The following SGMS1 variants were observed in gnomAD, a reference collection of about 807,000 sequenced individuals.
The protein encoded by SGMS1 is phosphatidylcholine:ceramide cholinephosphotransferase 1.
A neutral mutation model predicts 46.2 loss-of-function variants in SGMS1; 13 were observed. That is an observed-to-expected ratio of 0.28 (90% confidence interval 0.18 to 0.45). SGMS1 has a LOEUF of 0.45. Ranked by LOEUF, SGMS1 falls within the 20% of genes least tolerant of loss-of-function variation. The pLI, the probability that SGMS1 is intolerant of heterozygous loss-of-function variation, is 1.00. For synonymous variants in SGMS1, 203 were observed against 187.8 expected (o/e 1.08, Z -0.66); for missense variants, 324 against 519.9 (o/e 0.62, Z 3.66).
intron 5 of SGMS1, among the ~76,000 whole-genome samples, chr10:50,447,154 G>A (rs61856829): frequency 0.029 from 4,358 of 152,078 alleles, 101 homozygotes; most frequent in South Asian, 0.049. Context: ...CAATTTAAAG[G>A]TTACTTTTAA....
At chr10:50,463,080 G>C (rs1239702911) in intron 4 of SGMS1, among the ~76,000 whole-genome samples, 1 of 149,834 alleles carries the variant, frequency 6.7e-6, no homozygotes, top group African/African-American at 2.4e-5. Context: ...CTAGCAAAAA[G>C]AAAAAAAAAT....
intron 1 of SGMS1, among the ~76,000 whole-genome samples, chr10:50,622,975 A>G (rs1442305577): frequency 6.6e-6 from 1 of 152,014 alleles, no homozygotes; most frequent in Non-Finnish European, 1.5e-5. Flanking sequence ...TCCTGGAGAG[A>G]CTGTCCAGTT....
At chr10:50,561,199 T>C (rs1300696295) in intron 2 of SGMS1, among the ~76,000 whole-genome samples, 2 of 152,238 alleles carry the variant, frequency 1.3e-5, no homozygotes, top group African/African-American at 4.8e-5. Context: ...TTTTGTCACT[T>C]GCTAAATGGC....
At chr10:50,459,635 C>G (rs76752068) in intron 5 of SGMS1, among the ~76,000 whole-genome samples, 2 of 152,222 alleles carry the variant, frequency 1.3e-5, no homozygotes, top group Admixed American at 6.5e-5. Context: ...AACTCCTGAC[C>G]TCAGGTGATC....
intron 2 of SGMS1, among the ~76,000 whole-genome samples, chr10:50,536,784 C>T (rs554546095): frequency 7.2e-5 from 11 of 152,270 alleles, no homozygotes; most frequent in Admixed American, 2.6e-4. Context: ...GAAAAACATG[C>T]TATAATCATT....
intron 1 of SGMS1, among the ~76,000 whole-genome samples, chr10:50,612,751 C>G (rs1381613479): frequency 6.6e-6 from 1 of 152,166 alleles, no homozygotes; most frequent in Admixed American, 6.5e-5. Context: ...CTCTGTCGCC[C>G]AGGCTGGAGT....
At chr10:50,555,028 T>C (rs909840852) in intron 2 of SGMS1, among the ~76,000 whole-genome samples, 6 of 152,138 alleles carry the variant, frequency 3.9e-5, no homozygotes, top group South Asian at 4.1e-4. Context: ...TCTAACCATA[T>C]AGGAAAGAAG....
intron 8 of SGMS1, among the ~76,000 whole-genome samples, chr10:50,324,915 C>A (rs575380313): frequency 1.3e-5 from 2 of 152,048 alleles, no homozygotes; most frequent in Non-Finnish European, 2.9e-5. Flanking sequence ...AAAGACAGAA[C>A]AAGTAAATGT....
intron 7 of SGMS1, among the ~76,000 whole-genome samples, chr10:50,341,725 G>A (rs1847824212): frequency 6.7e-6 from 1 of 148,234 alleles, no homozygotes; most frequent in African/African-American, 2.5e-5. Flanking sequence ...CAAATCAACT[G>A]GTTTCTTGCT....
In SGMS1 at chr10:50,343,833, G is replaced by T. The variant is rs775055834; in HGVS notation, c.282C>A (p.Pro94=). Residue 94 remains proline, a synonymous_variant, in exon 7 of 11, where the codon CCC becomes CCA. Transcript: ENST00000361781. Reference sequence around the variant, plus strand: ...TAATCTTGATGCTGAAGCTGCCGTCGGGGGTGGGGATGTCTACGCCAATGT... The same window carrying T: ...TAATCTTGATGCTGAAGCTGCCGTCTGGGGTGGGGATGTCTACGCCAATGT... ...HLNIGVDIPT[P]DGSFSIKIKP... The T allele has an allele frequency of 1.2e-6, 2 of 1,614,018 alleles. No individual in the cohort carries two copies. The highest frequency in any genetic ancestry group is 1.7e-6 in the Non-Finnish European group (2 of 1,180,044).
intron 2 of SGMS1, among the ~76,000 whole-genome samples, chr10:50,549,990 G>A (rs1838134880): frequency 6.6e-6 from 1 of 152,164 alleles, no homozygotes; most frequent in Non-Finnish European, 1.5e-5. Context: ...AAAGCAGAAA[G>A]TTCAACGGGA....
intron 2 of SGMS1, among the ~76,000 whole-genome samples, chr10:50,584,226 G>A (rs544770186): frequency 2.6e-5 from 4 of 152,080 alleles, no homozygotes; most frequent in South Asian, 2.1e-4. Flanking sequence ...TTGGCTGGGC[G>A]CAGTGGCTCA....
intron 1 of SGMS1, among the ~76,000 whole-genome samples, chr10:50,621,119 G>A (rs1414296115): frequency 2.0e-5 from 3 of 152,064 alleles, no homozygotes; most frequent in Non-Finnish European, 2.9e-5. Flanking sequence ...CAAAGCTACA[G>A]TAAGCCGAGA....
At chr10:50,429,716 CACACACACACACACACACACACACAT>C (rs746433851) in intron 6 of SGMS1, among the ~76,000 whole-genome samples, 2,165 of 15,898 alleles carry the variant, frequency 0.14, 19 homozygotes, top group Non-Finnish European at 0.23. Context: ...CACACACACA[CACACACACACACACACACACACACAT>C]ACTCTTTTCT....
chr10:50,396,921 GGT>G (rs1427009199), intron 6 of SGMS1, among the ~76,000 whole-genome samples: 8 of 152,186 alleles, frequency 5.3e-5, no homozygotes, highest in African/African-American at 1.9e-4. Context: ...GTGAACCGGC[GGT>G]GTTACTTGAA....
chr10:50,381,906 G>A (rs1387621650), intron 6 of SGMS1, among the ~76,000 whole-genome samples: 1 of 152,186 alleles, frequency 6.6e-6, no homozygotes, highest in Non-Finnish European at 1.5e-5. Context: ...CAGCTGGCTG[G>A]CTAAACGTCA....
At chr10:50,468,133 G>A (rs894788556) in intron 3 of SGMS1, among the ~76,000 whole-genome samples, 2 of 152,114 alleles carry the variant, frequency 1.3e-5, no homozygotes, top group Non-Finnish European at 2.9e-5. Flanking sequence ...GCATGATCTC[G>A]CTTAATCTTC....
intron 2 of SGMS1, among the ~76,000 whole-genome samples, chr10:50,531,395 C>T (rs1404502002): frequency 1.3e-5 from 2 of 151,822 alleles, no homozygotes; most frequent in Non-Finnish European, 2.9e-5. Flanking sequence ...TTATAAATTC[C>T]CTTACCTTTA....
chr10:50,567,571 C>T (rs1838299800), intron 2 of SGMS1, among the ~76,000 whole-genome samples: 1 of 152,222 alleles, frequency 6.6e-6, no homozygotes. Flanking sequence ...AGGCTCCAAG[C>T]AGCAGCTGCT....
Sources: gnomAD v4.1 joint callset for allele counts (sites outside exome capture counted in the v4.1 genomes callset) on GRCh38, gnomAD v4.1.1 for gene constraint, MANE v1.5 for transcripts, NCBI Gene and HGNC (gene_info 2026-07-23, HGNC 2026-07-21) for gene names.